The following CAMTA1 variants were observed in gnomAD, a reference collection of about 807,000 sequenced individuals.
The protein encoded by CAMTA1 is calmodulin binding transcription activator 1.
A neutral mutation model predicts 170.9 loss-of-function variants in CAMTA1; 27 were observed. The observed-to-expected ratio is 0.16, with a 90% CI of 0.12 to 0.22. The LOEUF is 0.22. Among genes scored for constraint, CAMTA1 ranks in the 10% least tolerant of loss-of-function variants. The probability of loss-of-function intolerance (pLI) is 1.00; values close to 1 mark genes in which losing one functional copy is unlikely to be tolerated. For synonymous variants in CAMTA1, 833 were observed against 891.5 expected, an observed-to-expected ratio of 0.93 and a Z score of 1.17; for missense variants, 1,619 against 2,217.2, an observed-to-expected ratio of 0.73 and a Z score of 5.42.
rs1306000620 is a variant in CAMTA1, at chr1:7,663,906, G to A, written c.1359G>A (p.Leu453=). 3.1e-6 allele frequency: 5 copies of A among 1,613,740 alleles called. No individual in the cohort carries two copies. In the Admixed American group the frequency reaches 6.7e-5, roughly 22 times the overall value. Residue 453 remains leucine (L), a synonymous_variant, in exon 9 of 23, where the codon CTG becomes CTA. Coordinates refer to ENST00000303635, the MANE Select transcript of CAMTA1 (RefSeq NM_015215.4). ...CCACCACGGGCAGCTCGGAGAGCCT[G>A]TCCATGCTGCCCACCAACGTGTCCG... is the stretch of plus-strand genomic sequence containing the variant. ...AFPTTGSSES[L]SMLPTNVSEE...
chr1:7,768,113 TAAAAA>T lies in CAMTA1; in HGVS notation c.*1636_*1640del, dbSNP rs59402168. On this transcript the variant is annotated 3_prime_UTR_variant, in exon 23 of 23. Coordinates refer to ENST00000303635, the MANE Select transcript of CAMTA1 (RefSeq NM_015215.4). ...CTCCAACAAAGAACACTTAGAATGA[TAAAAA>T]AAAAAAAAAAAAACCTGACAAAAGA... 0.18 allele frequency: 23,865 copies of T among 136,258 alleles called. 1,961 individuals carry two copies. The highest frequency in any genetic ancestry group is 0.26 in the East Asian group (1,250 of 4,736). The allele number at this position is 136,258 out of a possible 1,614,324, so 8.4% of individuals were successfully genotyped here. A position where few individuals can be genotyped will look rare whatever the true frequency, so the allele number is the denominator to read the frequency against.
intron 1 of CAMTA1, among the ~76,000 whole-genome samples, chr1:6,812,027 G>A (rs987257860): frequency 1.3e-5 from 2 of 152,238 alleles, no homozygotes; most frequent in African/African-American, 2.4e-5. Context: ...GTATGTGGTA[G>A]CATTCTGTTC....
intron 5 of CAMTA1, among the ~76,000 whole-genome samples, chr1:7,431,622 T>G (rs1052905886): frequency 2.6e-5 from 4 of 152,164 alleles, no homozygotes; most frequent in African/African-American, 4.8e-5. Flanking sequence ...GCCAGGCAGT[T>G]AAGCCTGCTG....
At chr1:7,452,216 G>A (rs2092842820) in intron 5 of CAMTA1, among the ~76,000 whole-genome samples, 1 of 152,164 alleles carries the variant, frequency 6.6e-6, no homozygotes, top group Non-Finnish European at 1.5e-5. Context: ...GGGGGTCTGT[G>A]TCTCCTGCAT....
At chr1:7,192,690 C>A (rs1055962810) in intron 4 of CAMTA1, among the ~76,000 whole-genome samples, 2 of 152,290 alleles carry the variant, frequency 1.3e-5, no homozygotes, top group South Asian at 4.1e-4. Flanking sequence ...ATCACGGCCC[C>A]CTCACAACCC....
At chr1:6,905,552 G>A (rs936554252) in intron 3 of CAMTA1, among the ~76,000 whole-genome samples, 3 of 151,818 alleles carry the variant, frequency 2.0e-5, no homozygotes, top group Non-Finnish European at 4.4e-5. Context: ...CACCAGCCCC[G>A]CTTCCCTCTC....
chr1:7,678,031 A>G (rs1200166020), intron 11 of CAMTA1, among the ~76,000 whole-genome samples: 2 of 152,216 alleles, frequency 1.3e-5, no homozygotes, highest in African/African-American at 4.8e-5. Flanking sequence ...TGAGTGGCCA[A>G]GCAAGCCCAG....
intron 6 of CAMTA1, among the ~76,000 whole-genome samples, chr1:7,596,816 A>G (rs1428420300): frequency 6.6e-6 from 1 of 152,134 alleles, no homozygotes; most frequent in Non-Finnish European, 1.5e-5. Context: ...ACAATCACTC[A>G]ACTTGACATG....
chr1:7,250,492 C>T (rs1301856408), intron 5 of CAMTA1, among the ~76,000 whole-genome samples: 4 of 152,152 alleles, frequency 2.6e-5, no homozygotes, highest in African/African-American at 7.2e-5. Context: ...TTATTTCGAA[C>T]GGGTCAAAGA....
At chr1:7,057,275 C>T (rs544374932) in intron 3 of CAMTA1, among the ~76,000 whole-genome samples, 72 of 152,310 alleles carry the variant, frequency 4.7e-4, no homozygotes, top group African/African-American at 1.7e-3. Context: ...GCTCCCGTCC[C>T]GGTTCCCCTG....
chr1:6,786,788 G>A (rs1639527143), intron 1 of CAMTA1, among the ~76,000 whole-genome samples: 1 of 152,182 alleles, frequency 6.6e-6, no homozygotes, highest in Middle Eastern at 3.2e-3. Flanking sequence ...TTGTCTGGGT[G>A]AGAGTGGGCG....
intron 4 of CAMTA1, among the ~76,000 whole-genome samples, chr1:7,238,452 C>G (rs1664285275): frequency 6.6e-6 from 1 of 152,184 alleles, no homozygotes; most frequent in South Asian, 2.1e-4. Context: ...AGTTAATGTA[C>G]GTGAAGAATA....
chr1:7,701,452 G>C (rs561562962), intron 11 of CAMTA1, among the ~76,000 whole-genome samples: 1 of 152,172 alleles, frequency 6.6e-6, no homozygotes, highest in East Asian at 1.9e-4. Context: ...GTCTTGCTCT[G>C]TTGCCCAGGC....
intron 3 of CAMTA1, among the ~76,000 whole-genome samples, chr1:6,977,443 A>T (rs1693651865): frequency 6.6e-6 from 1 of 151,898 alleles, no homozygotes; most frequent in African/African-American, 2.4e-5. Context: ...CAGGTTCAAG[A>T]AATTCTCCAG....
At chr1:7,062,903 G>T (rs1258378826) in intron 3 of CAMTA1, among the ~76,000 whole-genome samples, 2 of 152,146 alleles carry the variant, frequency 1.3e-5, no homozygotes, top group East Asian at 3.9e-4. Flanking sequence ...GTGCGTCTCT[G>T]TTTTCACGTG....
intron 3 of CAMTA1, among the ~76,000 whole-genome samples, chr1:6,849,706 A>G (rs1659639457): frequency 6.6e-6 from 1 of 152,026 alleles, no homozygotes; most frequent in Admixed American, 6.5e-5. Flanking sequence ...GTTTATTTAA[A>G]TGGACATTTG....
At chr1:7,240,808 G>GA (rs1664730996) in intron 4 of CAMTA1, among the ~76,000 whole-genome samples, 1 of 152,060 alleles carries the variant, frequency 6.6e-6, no homozygotes, top group Non-Finnish European at 1.5e-5. Context: ...ACCTGGTCTG[G>GA]AGTCCTTTTC....
In CAMTA1 at chr1:7,168,477, G is replaced by A. The variant is rs1048284159; in HGVS notation, c.302+77106G>A. On this transcript the variant is annotated intron_variant, in intron 4 of 22. Transcript: ENST00000303635. ...GAGTGCAATGGCACGATCTCGGCTC[G>A]CTGCAACCTCTGCCTCCCAGGTTCA... 5.9e-5 allele frequency among the ~76,000 whole-genome samples: 9 copies of A among 151,986 alleles called. No individual in the cohort carries two copies. The South Asian group carries it at 8.3e-4, about 14-fold the overall frequency.
intron 3 of CAMTA1, among the ~76,000 whole-genome samples, chr1:6,842,657 A>G (rs1656322901): frequency 6.6e-6 from 1 of 152,226 alleles, no homozygotes; most frequent in Non-Finnish European, 1.5e-5. Flanking sequence ...GTGGCGGCTC[A>G]TACCTGTAAA....
Sources: allele counts gnomAD v4.1 joint callset (sites outside exome capture counted in the v4.1 genomes callset), GRCh38; gene constraint gnomAD v4.1.1; transcripts MANE v1.5; gene names NCBI Gene and HGNC (gene_info 2026-07-23, HGNC 2026-07-21).